Variants in KCNMA1 observed in about 807,000 individuals in gnomAD.
KCNMA1 encodes Calcium-activated potassium channel subunit alpha-1.
Under a neutral mutation model 140.0 loss-of-function variants are expected in KCNMA1, and 29 were observed. The observed-to-expected ratio is 0.21, with a 90% CI of 0.15 to 0.28. The LOEUF (loss-of-function observed/expected upper bound fraction) is 0.28, where lower values mean the gene tolerates loss of function less well. KCNMA1 is among the 10% of genes least tolerant of loss of function. The pLI is 1.00. For missense variants in KCNMA1, 880 were observed against 1,602.2 expected (o/e 0.55, Z 7.70); for synonymous variants, 612 against 611.9 (o/e 1.00, Z 0.00).
chr10:77,374,301 C>G (rs2094936844), intron 2 of KCNMA1, among the ~76,000 whole-genome samples: 1 of 152,128 alleles, frequency 6.6e-6, no homozygotes. Context: ...TCTGAGCTCA[C>G]TTTGCAAGCA....
At chr10:77,369,371 G>C (rs577220868) in intron 2 of KCNMA1, among the ~76,000 whole-genome samples, 4 of 152,264 alleles carry the variant, frequency 2.6e-5, no homozygotes, top group African/African-American at 9.6e-5. Flanking sequence ...TCTGAAGGGG[G>C]ACCTAGGTGC....
At chr10:77,354,133 C>T (rs942843263) in intron 2 of KCNMA1, among the ~76,000 whole-genome samples, 1 of 152,108 alleles carries the variant, frequency 6.6e-6, no homozygotes, top group East Asian at 1.9e-4. Flanking sequence ...ACTACAGATG[C>T]GTGCCACCAC....
At chr10:76,880,086 G>C (rs1589386382), downstream of KCNMA1, among the ~76,000 whole-genome samples, 1 of 152,186 alleles carries the variant, frequency 6.6e-6, no homozygotes, top group East Asian at 1.9e-4. Flanking sequence ...TGATGGAAAT[G>C]AGTAGGTCTT....
At chr10:77,535,998 C>T (rs2058796449) in intron 1 of KCNMA1, among the ~76,000 whole-genome samples, 1 of 152,146 alleles carries the variant, frequency 6.6e-6, no homozygotes, top group Non-Finnish European at 1.5e-5. Context: ...CTGTAGTTAA[C>T]AAGAATTTAT....
chr10:77,203,453 C>G (rs1176027913), intron 3 of KCNMA1, among the ~76,000 whole-genome samples: 8 of 152,148 alleles, frequency 5.3e-5, no homozygotes, highest in Non-Finnish European at 1.2e-4. Context: ...TCCTCCCACC[C>G]AGAGGTAACT....
rs137885829 is a variant in KCNMA1, at chr10:77,362,862, G to C, written c.540+41000C>G. Among the ~76,000 whole-genome samples the C allele has an allele frequency of 2.0e-3, 310 of 152,342 alleles. 1 individual carries two copies. The highest frequency in any genetic ancestry group is 7.0e-3 in the African/African-American group (290 of 41,588). On this transcript the variant is annotated intron_variant, in intron 2 of 27. Transcript: ENST00000286628. ...TAGAAAAGACATAGTGCCTGCTGCT[G>C]TCTGGGCCAAGCCATCCCACAAGCA...
intron 6 of KCNMA1, among the ~76,000 whole-genome samples, chr10:77,120,382 CG>C (rs1258757322): frequency 6.6e-6 from 1 of 152,104 alleles, no homozygotes; most frequent in Non-Finnish European, 1.5e-5. Context: ...ATGGTGCATT[CG>C]GCAGGAGGTT....
At chr10:77,252,457 T>G (rs553543114) in intron 2 of KCNMA1, among the ~76,000 whole-genome samples, 1 of 152,160 alleles carries the variant, frequency 6.6e-6, no homozygotes, top group East Asian at 1.9e-4. Context: ...TCTATTGACA[T>G]CTCTCAGGCC....
chr10:77,572,952 C>A (rs530541794), intron 1 of KCNMA1, among the ~76,000 whole-genome samples: 3 of 151,912 alleles, frequency 2.0e-5, no homozygotes, highest in African/African-American at 4.8e-5. Context: ...CAATGACACA[C>A]GACAATTCAG....
chr10:77,047,068 C>T (rs995206740), intron 14 of KCNMA1, among the ~76,000 whole-genome samples: 5 of 152,190 alleles, frequency 3.3e-5, no homozygotes, highest in Admixed American at 3.3e-4. Flanking sequence ...AACAATTTGG[C>T]ATTCCACAAT....
intron 5 of KCNMA1, among the ~76,000 whole-genome samples, chr10:77,145,209 T>C (rs1199580199): frequency 1.3e-5 from 2 of 152,200 alleles, no homozygotes; most frequent in Non-Finnish European, 2.9e-5. Flanking sequence ...ATTTGGTTCC[T>C]GGCATCTCCA....
intron 1 of KCNMA1, among the ~76,000 whole-genome samples, chr10:77,551,852 A>G (rs1417826856): frequency 6.6e-6 from 1 of 152,170 alleles, no homozygotes; most frequent in Non-Finnish European, 1.5e-5. Flanking sequence ...TTCTCCTTCC[A>G]GGGACCACTC....
At chr10:77,462,693 A>G (rs2097901562) in intron 1 of KCNMA1, among the ~76,000 whole-genome samples, 1 of 152,286 alleles carries the variant, frequency 6.6e-6, no homozygotes, top group Admixed American at 6.5e-5. Flanking sequence ...CCCGGGAGAG[A>G]GTCCCGCCCA....
chr10:77,109,455 C>A (rs2153869297), intron 8 of KCNMA1, among the ~76,000 whole-genome samples: 1 of 152,240 alleles, frequency 6.6e-6, no homozygotes, highest in South Asian at 2.1e-4. Context: ...CAAAATGCAG[C>A]AACTGCCAAC....
intron 1 of KCNMA1, among the ~76,000 whole-genome samples, chr10:77,415,800 G>C (rs572114229): frequency 7.2e-5 from 11 of 152,284 alleles, no homozygotes; most frequent in Admixed American, 2.0e-4. Flanking sequence ...CCCCTGATGT[G>C]GTACGGAATG....
chr10:77,026,298 T>C (rs2093454398), intron 16 of KCNMA1, among the ~76,000 whole-genome samples: 2 of 152,298 alleles, frequency 1.3e-5, no homozygotes, highest in Non-Finnish European at 2.9e-5. Context: ...CTATGCAGCA[T>C]CAGCATCACC....
chr10:77,322,329 A>T (rs1023298049), intron 2 of KCNMA1, among the ~76,000 whole-genome samples: 2 of 152,164 alleles, frequency 1.3e-5, no homozygotes, highest in African/African-American at 4.8e-5. Flanking sequence ...ATGTTAAGAG[A>T]CTTCATGATG....
chr10:77,090,224 T>G (rs532951686), intron 10 of KCNMA1, among the ~76,000 whole-genome samples, 176 bp downstream of exon 10: 4 of 152,180 alleles, frequency 2.6e-5, no homozygotes, highest in Non-Finnish European at 5.9e-5. Context: ...GTTGCTTCCC[T>G]TTCCATTGGT....
At chr10:77,296,856 T>C (rs1356664543) in intron 2 of KCNMA1, among the ~76,000 whole-genome samples, 1 of 142,418 alleles carries the variant, frequency 7.0e-6, no homozygotes, top group Non-Finnish European at 1.5e-5. Context: ...AGGTCCTACC[T>C]GCCGATCTGC....
Sources: allele counts gnomAD v4.1 joint callset (sites outside exome capture counted in the v4.1 genomes callset), GRCh38; gene constraint gnomAD v4.1.1; transcripts MANE v1.5; gene names NCBI Gene and HGNC (gene_info 2026-07-23, HGNC 2026-07-21).